The following SLC6A11 variants were observed in gnomAD, a reference collection of about 807,000 sequenced individuals.
The protein encoded by SLC6A11 is solute carrier family 6 member 11.
Under a neutral mutation model 74.8 loss-of-function variants are expected in SLC6A11, and 25 were observed. That is an observed-to-expected ratio of 0.33 (90% CI 0.24 to 0.47). The LOEUF is 0.47. Among genes scored for constraint, SLC6A11 ranks in the 20% least tolerant of loss-of-function variants. SLC6A11 has a pLI of 1.00. For missense variants in SLC6A11, 574 were observed against 837.0 expected (o/e 0.69, Z 3.88); for synonymous variants, 330 against 330.2 (o/e 1.00, Z 0.01).
intron 6 of SLC6A11, among the ~76,000 whole-genome samples, chr3:10,881,911 G>A (rs921428332): frequency 1.3e-5 from 2 of 152,168 alleles, no homozygotes; most frequent in African/African-American, 2.4e-5. Context: ...ATGCCTATTT[G>A]CTGTGTCATT....
rs574872798 is a variant in SLC6A11 at position 10,935,013 on chromosome 3, C to T, written c.1576-16C>T. The T allele has an allele frequency of 4.3e-6, 7 of 1,610,102 alleles. No individual in the cohort carries two copies. The African/African-American group carries it at 6.7e-5, about 15-fold the overall frequency. ...GAGGGCCCATCCCCCAGGCACCTGC[C>T]CCCATCTCTCTGCAGGGGATCTTCA... On this transcript the variant is annotated splice_polypyrimidine_tract_variant and intron_variant, in intron 12 of 13. Transcript: ENST00000254488.
chr3:10,880,861 C>T (rs570499370), intron 6 of SLC6A11, among the ~76,000 whole-genome samples: 42 of 152,264 alleles, frequency 2.8e-4, no homozygotes, highest in African/African-American at 9.4e-4. Flanking sequence ...TGCAGCCCCA[C>T]CTGTGCCAGC....
chr3:10,922,246 T>C (rs1185801296), intron 8 of SLC6A11, among the ~76,000 whole-genome samples: 1 of 152,178 alleles, frequency 6.6e-6, no homozygotes, highest in Non-Finnish European at 1.5e-5. Flanking sequence ...CATCAATGTA[T>C]TTCATGAAAT....
chr3:10,920,571 T>G (rs1399557546), intron 8 of SLC6A11, among the ~76,000 whole-genome samples: 1 of 152,216 alleles, frequency 6.6e-6, no homozygotes, highest in Non-Finnish European at 1.5e-5. Flanking sequence ...GTAAGATAGT[T>G]GTTTTTTCAT....
chr3:10,873,956 T>TGCTATGCTAC, intron 5 of SLC6A11, among the ~76,000 whole-genome samples: 2 of 143,526 alleles, frequency 1.4e-5, no homozygotes, highest in Middle Eastern at 7.2e-3. Flanking sequence ...TCCTATGCTA[T>TGCTATGCTAC]GCTACGCTAT....
intron 5 of SLC6A11, among the ~76,000 whole-genome samples, chr3:10,853,631 C>T (rs1206798595): frequency 1.3e-5 from 2 of 152,224 alleles, no homozygotes; most frequent in Non-Finnish European, 2.9e-5. Context: ...CTGCTATTCA[C>T]AGGCAGAACT....
intron 5 of SLC6A11, among the ~76,000 whole-genome samples, chr3:10,860,192 T>C (rs1694686747): frequency 6.6e-6 from 1 of 152,214 alleles, no homozygotes; most frequent in Admixed American, 6.5e-5. Flanking sequence ...TAAAAGACAT[T>C]CTAAATCTCA....
At chr3:10,840,212 G>A (rs1014221013) in intron 4 of SLC6A11, among the ~76,000 whole-genome samples, 15 of 152,106 alleles carry the variant, frequency 9.9e-5, no homozygotes, top group African/African-American at 3.6e-4. Context: ...TTCTCACCCA[G>A]CCCTAGCTGC....
intron 10 of SLC6A11, among the ~76,000 whole-genome samples, chr3:10,929,977 G>A (rs1695664056): frequency 6.6e-6 from 1 of 151,994 alleles, no homozygotes; most frequent in Non-Finnish European, 1.5e-5. Flanking sequence ...GTAACATTAG[G>A]TATTTTTCTC....
chr3:10,892,737 G>C (rs1695121944), intron 6 of SLC6A11, among the ~76,000 whole-genome samples: 1 of 152,118 alleles, frequency 6.6e-6, no homozygotes, highest in Admixed American at 6.5e-5. Flanking sequence ...CTTTGGAGGA[G>C]ACAAAGCCCA....
chr3:10,905,111 TTGTC>T (rs1394026685), intron 6 of SLC6A11, among the ~76,000 whole-genome samples: 4 of 152,232 alleles, frequency 2.6e-5, no homozygotes, highest in African/African-American at 9.6e-5. Flanking sequence ...ATGATTTTGT[TTGTC>T]TGTGCTTGTG....
At chr3:10,899,500 GATGA>G (rs1169566630) in intron 6 of SLC6A11, among the ~76,000 whole-genome samples, 8 of 152,342 alleles carry the variant, frequency 5.3e-5, no homozygotes, top group African/African-American at 1.4e-4. Flanking sequence ...AAGATATAGT[GATGA>G]ATGAAACACT....
intron 4 of SLC6A11, among the ~76,000 whole-genome samples, chr3:10,842,630 G>A (rs189970472): frequency 2.1e-3 from 324 of 151,888 alleles, no homozygotes; most frequent in African/African-American, 7.2e-3. Context: ...CCTTTTTTTG[G>A]TCCACCTTAT....
At chr3:10,933,894 T>C (rs1049058800) in intron 11 of SLC6A11, 172 bp from the exon 12 acceptor site, 16 of 534,164 alleles carry the variant, frequency 3.0e-5, no homozygotes, top group Admixed American at 1.2e-4. Context: ...CTGCTCTTTA[T>C]TCTGAAACCT....
intron 1 of SLC6A11, among the ~76,000 whole-genome samples, chr3:10,817,886 C>T (rs1454186090): frequency 3.3e-5 from 5 of 152,190 alleles, no homozygotes; most frequent in Non-Finnish European, 1.5e-5. Flanking sequence ...TCCTGCCTCT[C>T]TGCAGATACA....
At chr3:10,903,400 C>T (rs527332255) in intron 6 of SLC6A11, among the ~76,000 whole-genome samples, 1 of 152,324 alleles carries the variant, frequency 6.6e-6, no homozygotes, top group East Asian at 1.9e-4. Context: ...GAACTCACTG[C>T]CACACTGAAC....
chr3:10,935,542 C>G (rs1194130862), intron 13 of SLC6A11: 1 of 224,168 alleles, frequency 4.5e-6, no homozygotes, highest in Non-Finnish European at 8.8e-6. Flanking sequence ...AGTGTTAGCG[C>G]TGACTGTTTT....
intron 4 of SLC6A11, among the ~76,000 whole-genome samples, chr3:10,841,278 G>A (rs1259498236): frequency 6.6e-6 from 1 of 152,152 alleles, no homozygotes; most frequent in Non-Finnish European, 1.5e-5. Flanking sequence ...TTCTGTCCCA[G>A]CATTTCATGG....
chr3:10,890,055 G>T (rs968890434), intron 6 of SLC6A11, among the ~76,000 whole-genome samples: 1 of 151,934 alleles, frequency 6.6e-6, no homozygotes, highest in Non-Finnish European at 1.5e-5. Context: ...TTACAACTCA[G>T]TTCCTCTGTT....
Sources: allele counts gnomAD v4.1 joint callset (sites outside exome capture counted in the v4.1 genomes callset), GRCh38; gene constraint gnomAD v4.1.1; transcripts MANE v1.5; gene names NCBI Gene and HGNC (gene_info 2026-07-23, HGNC 2026-07-21).